The following TRPM2 variants were observed in gnomAD, a reference collection of about 807,000 sequenced individuals.
TRPM2 encodes the protein transient receptor potential cation channel subfamily M member 2.
A neutral mutation model predicts 174.0 loss-of-function variants in TRPM2; 161 were observed. The ratio of observed to expected loss-of-function variants is 0.93; its 90% confidence interval spans 0.81 to 1.05. TRPM2 has a LOEUF of 1.05. Ranked by LOEUF, TRPM2 falls within the 50% of genes least tolerant of loss-of-function variation. The pLI is 0.00. For synonymous variants in TRPM2, 954 were observed against 861.3 expected (o/e 1.11, Z -1.88); for missense variants, 2,057 against 2,038.0 (o/e 1.01, Z -0.18).
intron 16 of TRPM2, among the ~76,000 whole-genome samples, chr21:44,403,586 A>G (rs533086709): frequency 3.3e-5 from 5 of 151,994 alleles, no homozygotes; most frequent in Admixed American, 3.3e-4. Context: ...ACATACATGC[A>G]CACACATGCA....
rs1372638748 is a variant in TRPM2 at position 44,377,543 on chromosome 21, T to C, written c.953-169T>C. Among the ~76,000 whole-genome samples, 3 of 152,148 alleles carry C rather than the reference T, an allele frequency of 2.0e-5. 1 individual carries two copies. The highest frequency in any genetic ancestry group is 2.0e-4 in the Admixed American group (3 of 15,278). The stretch of plus-strand genomic sequence containing the variant: ...AGGCCTCCCAGCAGGTGCTTCAGTG[T>C]GTGGTTAGGCTGGAGCCAGCAGGGG... On this transcript the variant is annotated intron_variant, in intron 6 of 31. Coordinates refer to ENST00000397928, the MANE Select transcript of TRPM2 (RefSeq NM_003307.4).
rs1264946419 is a variant in TRPM2, at chr21:44,354,090, C to T, written c.165+225C>T. 1.3e-5 allele frequency among the ~76,000 whole-genome samples: 2 copies of T among 152,196 alleles called. No individual in the cohort carries two copies. The highest frequency in any genetic ancestry group is 4.8e-5 in the African/African-American group (2 of 41,442). The stretch of plus-strand genomic sequence containing the variant: ...CCCATGGTTGGTCTGATTGGGAAAT[C>T]ACCGGGTTAACTCAAAAATGTTGCG... On this transcript the variant is annotated intron_variant, in intron 1 of 31. Coordinates refer to ENST00000397928, the MANE Select transcript of TRPM2 (RefSeq NM_003307.4). The surrounding 1 kb of genome is among the most constrained non-coding windows in gnomAD (Gnocchi z 4.3).
At chr21:44,387,979 G>A (rs1039169342) in intron 9 of TRPM2, among the ~76,000 whole-genome samples, 8 of 152,170 alleles carry the variant, frequency 5.3e-5, no homozygotes, top group African/African-American at 1.7e-4. Flanking sequence ...TGGAAAACAG[G>A]ATGACAGTTC....
chr21:44,370,618 CTG>C (rs142638979), intron 5 of TRPM2, among the ~76,000 whole-genome samples: 2,238 of 152,328 alleles, frequency 0.015, 49 homozygotes, highest in African/African-American at 0.051. Context: ...GACACGGACA[CTG>C]TGCGTCCATT....
intron 27 of TRPM2, 113 bp downstream of exon 27, chr21:44,427,224 G>T: frequency 1.1e-6 from 1 of 906,788 alleles, no homozygotes; most frequent in Non-Finnish European, 1.6e-6. Context: ...ATCAAAAAAA[G>T]CACGTGAGCC....
chr21:44,399,530 A>C lies in TRPM2; in HGVS notation c.2208+89A>C, dbSNP rs1470231445. 1 of 1,497,326 alleles carries C rather than the reference A, an allele frequency of 6.7e-7. No individual in the cohort carries two copies. The highest frequency in any genetic ancestry group is 1.4e-5 in the African/African-American group (1 of 71,794). 92.8% of individuals were successfully genotyped at this position (1,497,326 alleles called of 1,614,324 possible). On this transcript the variant is annotated intron_variant, in intron 14 of 31. Transcript: ENST00000397928. The surrounding 1 kb of genome is among the most constrained non-coding windows in gnomAD (Gnocchi z 4.6). ...TCCTGTTCGTGCAGTTGGCACGCAC[A>C]CTCACACAGGCTTCAGGGCCCTCAG...
rs182291180 is a variant in TRPM2, at chr21:44,409,099, A to T, written c.2962+2334A>T. Among the ~76,000 whole-genome samples, 7 of 152,072 alleles carry T rather than the reference A, an allele frequency of 4.6e-5. No homozygotes were observed. The East Asian group carries it at 1.4e-3, about 29-fold the overall frequency. On this transcript the variant is annotated intron_variant, in intron 19 of 31. Transcript: ENST00000397928. ...ATTTTTTTTGTCAATCTGTGCACTG[A>T]CTTGTTATTTTCTTTATGGTGTCAT...
rs373878268 is a variant in TRPM2, at chr21:44,406,563, G to T, written c.2791-31G>T. ...GCCCAGTGAGCATCGGGGGCCAGGA[G>T]AGTGTAGCCCACACACTCTCTGTCC... is the stretch of plus-strand genomic sequence containing the variant. On this transcript the variant is annotated intron_variant, in intron 18 of 31. Transcript: ENST00000397928. The T allele has an allele frequency of 3.6e-5, 57 of 1,590,764 alleles. No individual in the cohort carries two copies. The African/African-American group carries it at 7.1e-4, about 20-fold the overall frequency.
chr21:44,391,463 C>G lies in TRPM2; in HGVS notation c.1632C>G (p.Pro544=), dbSNP rs201694683. 2 of 1,612,652 alleles carry G rather than the reference C, an allele frequency of 1.2e-6. No individual in the cohort carries two copies. The highest frequency in any genetic ancestry group is 1.7e-6 in the Non-Finnish European group (2 of 1,179,876). The change falls in exon 11 of 32, where the codon CCC becomes CCG. Residue 544 remains proline, a synonymous_variant. Coordinates refer to ENST00000397928, the MANE Select transcript of TRPM2 (RefSeq NM_003307.4). The surrounding 1 kb of genome is among the most constrained non-coding windows in gnomAD (Gnocchi z 5.0). Reference sequence around the variant, plus strand: ...TGCAGAAGGTGCTGGTGGAGGATCCCGAGCGCCCGGCTTGCGCGCCCGCGG... The same window carrying G: ...TGCAGAAGGTGCTGGTGGAGGATCCGGAGCGCCCGGCTTGCGCGCCCGCGG... ...SKLQKVLVED[P]ERPACAPAAP...
chr21:44,401,748 G>C lies in TRPM2; in HGVS notation c.2389G>C (p.Val797Leu). 1 of 1,613,604 alleles carries C rather than the reference G, an allele frequency of 6.2e-7. No homozygotes were observed. The highest frequency in any genetic ancestry group is 8.5e-7 in the Non-Finnish European group (1 of 1,180,002). The stretch of plus-strand genomic sequence containing the variant: ...CCGTGCCTTCTTCACCGCACCCGTG[G>C]TGGTCTTCCACCTGAACATCCTCTC... ...RARAFFTAPVVVFHLNILSYF... is the reference protein window; with the variant it reads ...RARAFFTAPVLVFHLNILSYF... Residue 797 changes from valine to leucine, a missense_variant, in exon 16 of 32, where the codon GTG becomes CTG. By Grantham distance (32) the Val-to-Leu change is conservative. Coordinates refer to ENST00000397928, the MANE Select transcript of TRPM2 (RefSeq NM_003307.4).
Position 44,399,456 on chromosome 21 carries a change from G to A in TRPM2, c.2208+15G>A, listed in dbSNP as rs369987446. Reference sequence around the variant, plus strand: ...GGGGCATCCAGGTGACCTCCCAAGAGCCCCTTCCAGAAACAGACGCCTGTG... The same window carrying A: ...GGGGCATCCAGGTGACCTCCCAAGAACCCCTTCCAGAAACAGACGCCTGTG... On this transcript the variant is annotated intron_variant, in intron 14 of 31. Transcript: ENST00000397928. This position sits in a 1 kb window ranked among gnomAD's most constrained non-coding sequence, Gnocchi z 4.6. The A allele has an allele frequency of 7.6e-4, 1,222 of 1,605,670 alleles. 2 individuals are homozygous for A. Among genetic ancestry groups the A allele is most frequent in the Non-Finnish European group, 9.8e-4 (1,153 of 1,175,994 alleles).
At chr21:44,357,130 G>C (rs2048083498) in intron 2 of TRPM2, among the ~76,000 whole-genome samples, 1 of 152,182 alleles carries the variant, frequency 6.6e-6, no homozygotes, top group African/African-American at 2.4e-5. Flanking sequence ...AGGCAGCCCA[G>C]CAGGTTTCAG....
At chr21:44,361,001 T>C (rs2048192749) in intron 2 of TRPM2, among the ~76,000 whole-genome samples, 1 of 152,208 alleles carries the variant, frequency 6.6e-6, no homozygotes, top group Non-Finnish European at 1.5e-5. Flanking sequence ...CCCTGATCCC[T>C]GCAACCACCA....
intron 28 of TRPM2, 47 bp downstream of exon 28, chr21:44,435,264 C>T (rs765554543): frequency 6.3e-7 from 1 of 1,587,302 alleles, no homozygotes; most frequent in Non-Finnish European, 8.6e-7. Flanking sequence ...AGGCGGTCAC[C>T]CCACCTTCAC....
At position 44,438,318 on chromosome 21, in the gene TRPM2, C is replaced by T. The variant is rs115268848; in HGVS notation, c.4168-749C>T. ...CACTTTGGCCTCTCCATGCGGGGTG[C>T]GTGGAGTTGGGTTTGGGGGTCCCAC... On this transcript the variant is annotated intron_variant, in intron 29 of 31. Transcript: ENST00000397928. The surrounding 1 kb of genome is among the most constrained non-coding windows in gnomAD (Gnocchi z 5.9). Among the ~76,000 whole-genome samples the T allele has an allele frequency of 3.5e-3, 529 of 152,284 alleles. 3 individuals carry two copies. Among genetic ancestry groups the T allele is most frequent in the African/African-American group, 0.012 (490 of 41,554 alleles).
chr21:44,374,473 A>T (rs57677816), intron 5 of TRPM2, among the ~76,000 whole-genome samples: 5,059 of 152,082 alleles, frequency 0.033, 266 homozygotes, highest in African/African-American at 0.11. Flanking sequence ...CTATTATTAC[A>T]TTGTAATATA....
At position 44,406,052 on chromosome 21, in the gene TRPM2, G is replaced by A; in HGVS notation, c.2790+15G>A. 2 of 1,602,654 alleles carry A rather than the reference G, an allele frequency of 1.2e-6. No individual in the cohort carries two copies. Among genetic ancestry groups the A allele is most frequent in the Non-Finnish European group, 1.7e-6 (2 of 1,179,364 alleles). On this transcript the variant is annotated intron_variant, in intron 18 of 31. Transcript: ENST00000397928. ...TGAAGCGGATGGTAAGGGGGCGGGG[G>A]CACCGGCTCCATCGCGGCCTGCAGC...
intron 19 of TRPM2, among the ~76,000 whole-genome samples, chr21:44,407,959 G>T (rs367645542): frequency 6.7e-6 from 1 of 149,284 alleles, no homozygotes; most frequent in Middle Eastern, 3.4e-3. Context: ...AGGGAGTCTC[G>T]CTCTGTTTTC....
At chr21:44,418,846 G>A (rs934061557) in intron 22 of TRPM2, among the ~76,000 whole-genome samples, 10 of 152,142 alleles carry the variant, frequency 6.6e-5, no homozygotes, top group East Asian at 3.9e-4. Context: ...CGCAGGATCC[G>A]GCTTGGAGGC....
Sources: gnomAD v4.1 joint callset for allele counts (sites outside exome capture counted in the v4.1 genomes callset) on GRCh38, gnomAD v4.1.1 for gene constraint, Gnocchi (gnomAD v3.1) non-coding constraint, MANE v1.5 for transcripts, NCBI Gene and HGNC (gene_info 2026-07-23, HGNC 2026-07-21) for gene names.